RBFOX1: variants seen among roughly 807,000 people sequenced by gnomAD.
RBFOX1 encodes the protein RNA binding fox-1 homolog 1.
In RBFOX1, 8 loss-of-function variants were observed where a neutral mutation model predicts 57.7. That is an observed-to-expected ratio of 0.14 (90% confidence interval 0.08 to 0.25). The LOEUF (loss-of-function observed/expected upper bound fraction) is 0.25, where lower values mean the gene tolerates loss of function less well. Among genes scored for constraint, RBFOX1 ranks in the 10% least tolerant of loss-of-function variants. The pLI is 1.00. For missense variants in RBFOX1, 611 were observed against 548.5 expected, an observed-to-expected ratio of 1.11 and a Z score of -1.14; for synonymous variants, 326 against 222.4, an observed-to-expected ratio of 1.47 and a Z score of -4.15.
In RBFOX1 at chr16:6,282,866, C is replaced by G. The variant is rs540072900; in HGVS notation, c.-126-34129C>G. Among the ~76,000 whole-genome samples, 21 of 152,326 alleles carry G rather than the reference C, an allele frequency of 1.4e-4. No individual in the cohort carries two copies. In the South Asian group the frequency reaches 3.3e-3, roughly 24 times the overall value. ...TTCTTGAGCATTTGTTATTTGCCAA[C>G]TACTTCATTAAGTACTTTGCATCTA... On this transcript the variant is annotated intron_variant, in intron 1 of 15. Transcript: ENST00000550418.
intron 3 of RBFOX1, among the ~76,000 whole-genome samples, chr16:5,661,453 A>C (rs1322950614): frequency 6.6e-6 from 1 of 152,198 alleles, no homozygotes; most frequent in South Asian, 2.1e-4. Flanking sequence ...GAACAAAATT[A>C]ATAACTCCTT....
chr16:6,483,733 G>C (rs998596377), intron 2 of RBFOX1: 2 of 1,430,210 alleles, frequency 1.4e-6, no homozygotes, highest in Non-Finnish European at 1.8e-6. Flanking sequence ...TGACATTTTT[G>C]GCTGCCTGTG....
At chr16:7,021,272 C>T (rs917655764) in intron 3 of RBFOX1, among the ~76,000 whole-genome samples, 1 of 150,358 alleles carries the variant, frequency 6.7e-6, no homozygotes, top group African/African-American at 2.4e-5. Context: ...CTACTTGAGT[C>T]CTCTTGGTTT....
In RBFOX1 at chr16:7,675,423, C is replaced by G. The variant is rs1338903421; in HGVS notation, c.931-1351C>G. 3.4e-5 allele frequency among the ~76,000 whole-genome samples: 5 copies of G among 148,714 alleles called. No homozygotes were observed. The East Asian group carries it at 9.7e-4, about 29-fold the overall frequency. ...TTAAGGGAAACAAAAAAAAAAAAAACTGGTTCTAAATTATTGGTGATTATG... is the reference window on the plus strand; with the variant it reads ...TTAAGGGAAACAAAAAAAAAAAAAAGTGGTTCTAAATTATTGGTGATTATG... On this transcript the variant is annotated intron_variant, in intron 13 of 15. Coordinates refer to ENST00000550418, the MANE Select transcript of RBFOX1 (RefSeq NM_018723.4).
intron 3 of RBFOX1, among the ~76,000 whole-genome samples, chr16:5,636,327 G>C (rs536425921): frequency 6.6e-6 from 1 of 152,116 alleles, no homozygotes; most frequent in Non-Finnish European, 1.5e-5. Context: ...TAGCCTGGGC[G>C]ACAAGAGTGA....
At chr16:6,380,910 C>G (rs753248467) in intron 2 of RBFOX1, among the ~76,000 whole-genome samples, 14 of 152,116 alleles carry the variant, frequency 9.2e-5, no homozygotes, top group South Asian at 4.2e-4. Flanking sequence ...AGTGGAGGAA[C>G]AAACCAAAGG....
intron 4 of RBFOX1, among the ~76,000 whole-genome samples, chr16:5,896,700 A>C (rs996623196): frequency 6.6e-6 from 1 of 152,170 alleles, no homozygotes; most frequent in Non-Finnish European, 1.5e-5. Context: ...GTTTGCCTGC[A>C]GGGTTGGGGA....
intron 1 of RBFOX1, among the ~76,000 whole-genome samples, chr16:6,113,482 A>T (rs372065484): frequency 3.9e-5 from 6 of 152,216 alleles, no homozygotes; most frequent in African/African-American, 1.4e-4. Flanking sequence ...TTTTGTGTGG[A>T]CTTGTTGATG....
intron 4 of RBFOX1, among the ~76,000 whole-genome samples, chr16:7,494,753 C>G (rs746945208): frequency 2.0e-5 from 3 of 151,408 alleles, no homozygotes; most frequent in African/African-American, 4.9e-5. Context: ...CTGGAAGTGG[C>G]TTTCATTCCG....
chr16:6,886,337 C>T (rs574582793), intron 3 of RBFOX1, among the ~76,000 whole-genome samples: 17 of 152,168 alleles, frequency 1.1e-4, no homozygotes, highest in Non-Finnish European at 1.8e-4. Flanking sequence ...GCTGGGATTA[C>T]TGGCGTGAGT....
chr16:7,651,323 G>A (rs771749872), intron 11 of RBFOX1, among the ~76,000 whole-genome samples: 1 of 152,138 alleles, frequency 6.6e-6, no homozygotes, highest in Non-Finnish European at 1.5e-5. Flanking sequence ...AATGGCTGCT[G>A]TGGCAAACCC....
rs551965810 is a variant in RBFOX1, at chr16:5,776,517, A to G, written c.319-90786A>G. Among the ~76,000 whole-genome samples, 5 of 152,352 alleles carry G rather than the reference A, an allele frequency of 3.3e-5. No homozygotes were observed. The East Asian group carries it at 9.6e-4, about 29-fold the overall frequency. ...CTAAAAGGGAAATGGTAATAATAAT[A>G]AGGGTTGGTATTTATTACGTGCCCA... On this transcript the variant is annotated intron_variant, in intron 3 of 19. Coordinates refer to the RBFOX1 transcript ENST00000641259.
At chr16:7,207,586 G>A (rs2090249921) in intron 4 of RBFOX1, among the ~76,000 whole-genome samples, 1 of 152,162 alleles carries the variant, frequency 6.6e-6, no homozygotes, top group African/African-American at 2.4e-5. Flanking sequence ...AAAAAATAAT[G>A]ACATGGAAAC....
upstream of RBFOX1, among the ~76,000 whole-genome samples, chr16:6,015,805 C>G (rs956143740): frequency 5.9e-5 from 9 of 152,212 alleles, no homozygotes; most frequent in Non-Finnish European, 4.4e-5. Flanking sequence ...GCTATAGGCT[C>G]CTGCTCCGTA....
intron 3 of RBFOX1, among the ~76,000 whole-genome samples, chr16:6,692,483 C>T (rs1189699802): frequency 6.6e-6 from 1 of 152,116 alleles, no homozygotes; most frequent in Non-Finnish European, 1.5e-5. Context: ...TTTCCGTGAC[C>T]CTGTGGCCTA....
At chr16:7,433,160 T>C (rs2098695585) in intron 4 of RBFOX1, among the ~76,000 whole-genome samples, 1 of 152,226 alleles carries the variant, frequency 6.6e-6, no homozygotes, top group Admixed American at 6.5e-5. Flanking sequence ...TCCTCCCTTC[T>C]TTCCTTCTGG....
chr16:5,611,719 T>TATCCATCCATACATCC (rs2047801981), intron 3 of RBFOX1, among the ~76,000 whole-genome samples: 1 of 114,584 alleles, frequency 8.7e-6, no homozygotes, highest in South Asian at 3.5e-4. Context: ...TCCATCCATC[T>TATCCATCCATACATCC]ATCCATCCAT....
intron 4 of RBFOX1, among the ~76,000 whole-genome samples, chr16:7,374,846 T>G (rs533625427): frequency 3.3e-5 from 5 of 152,152 alleles, no homozygotes; most frequent in Non-Finnish European, 5.9e-5. Context: ...TATTTTGAAA[T>G]AGGTGGTGAT....
chr16:6,691,522 C>G (rs1303202312), intron 3 of RBFOX1, among the ~76,000 whole-genome samples: 1 of 152,156 alleles, frequency 6.6e-6, no homozygotes, highest in East Asian at 1.9e-4. Context: ...TGAGTAAATG[C>G]GTTTCGCAGG....
Sources: gnomAD v4.1 joint callset for allele counts (sites outside exome capture counted in the v4.1 genomes callset) on GRCh38, gnomAD v4.1.1 for gene constraint, MANE v1.5 for transcripts, NCBI Gene and HGNC (gene_info 2026-07-23, HGNC 2026-07-21) for gene names.